The following SYNE1 variants were observed in gnomAD, a reference collection of about 807,000 sequenced individuals.
SYNE1 encodes the protein spectrin repeat containing nuclear envelope protein 1.
In SYNE1, 616 loss-of-function variants were observed where a neutral mutation model predicts 1,111.0. The observed-to-expected ratio is 0.55, with a 90% CI of 0.52 to 0.59. The LOEUF is 0.59. SYNE1 is among the 20% of genes least tolerant of loss of function. SYNE1 has a pLI of 0.00. For missense variants in SYNE1, 10,006 were observed against 10,417.0 expected (o/e 0.96, Z 1.72); for synonymous variants, 3,855 against 3,825.8 (o/e 1.01, Z -0.28).
chr6:152,176,774 G>A (rs1364442851), intron 129 of SYNE1, among the ~76,000 whole-genome samples: 1 of 151,652 alleles, frequency 6.6e-6, no homozygotes, highest in Non-Finnish European at 1.5e-5. Context: ...TTTATATAGA[G>A]GTTCTCGAAA....
Position 152,399,670 on chromosome 6 carries a change from A to T in SYNE1, c.7183T>A (p.Leu2395Met). ...AGGCTGGCCTGGGTTTTGGAGCACA[A>T]CTGGCTCACGGCTTCATGTTTCTTT... ...LIKKHEAVSQ[L>M]CSKTQASLQE... The change falls in exon 48 of 146, where the codon TTG becomes ATG. Residue 2395 changes from leucine to methionine, a missense_variant. By Grantham distance (15) the Leu-to-Met change is conservative (BLOSUM62 2). Around this residue, in one of 7 missense-constraint regions of SYNE1, gnomAD observed 4,955 missense variants for 5,017.2 expected, o/e 0.99. Transcript: ENST00000367255. The T allele has an allele frequency of 1.9e-6, 3 of 1,614,142 alleles. No homozygotes were observed. The highest frequency in any genetic ancestry group is 1.7e-6 in the Non-Finnish European group (2 of 1,180,012).
At chr6:152,162,293 C>T (rs962610155) in intron 131 of SYNE1, among the ~76,000 whole-genome samples, 10 of 152,316 alleles carry the variant, frequency 6.6e-5, no homozygotes, top group Middle Eastern at 3.4e-3. Context: ...ACTGATCTAT[C>T]CACTTTCTAT....
At chr6:152,443,312 T>A (rs1169570149) in intron 30 of SYNE1, among the ~76,000 whole-genome samples, 3 of 152,198 alleles carry the variant, frequency 2.0e-5, no homozygotes, top group Non-Finnish European at 4.4e-5. Context: ...TCGCCCAGGC[T>A]GGAGTGCAGT....
chr6:152,579,049 T>C (rs1279501761), intron 3 of SYNE1, among the ~76,000 whole-genome samples: 2 of 152,180 alleles, frequency 1.3e-5, no homozygotes, highest in Non-Finnish European at 2.9e-5. Context: ...ATAGGCTCCA[T>C]TGGTTTAAAT....
chr6:152,216,072 T>C (rs2078567513), intron 121 of SYNE1, among the ~76,000 whole-genome samples: 1 of 152,212 alleles, frequency 6.6e-6, no homozygotes, highest in Admixed American at 6.5e-5. Flanking sequence ...TCTAGGAAAT[T>C]GGTTACAGGA....
chr6:152,612,374 T>C (rs1031728954), intron 3 of SYNE1, among the ~76,000 whole-genome samples: 1 of 152,064 alleles, frequency 6.6e-6, no homozygotes, highest in East Asian at 1.9e-4. Context: ...AACACCTCTA[T>C]GCAAATAAAC....
At chr6:152,447,776 A>G (rs2098605152) in intron 28 of SYNE1, among the ~76,000 whole-genome samples, 154 bp from the exon 29 acceptor site, 1 of 152,226 alleles carries the variant, frequency 6.6e-6, no homozygotes, top group African/African-American at 2.4e-5. Context: ...TACTTTTTGT[A>G]TGTACTTTTA....
At chr6:152,525,664 C>T (rs994199620) in intron 5 of SYNE1, among the ~76,000 whole-genome samples, 1 of 152,104 alleles carries the variant, frequency 6.6e-6, no homozygotes, top group Non-Finnish European at 1.5e-5. Context: ...TGGTTTCCTG[C>T]TTAATTTTCA....
intron 70 of SYNE1, among the ~76,000 whole-genome samples, chr6:152,350,979 C>A (rs1373228225): frequency 6.6e-6 from 1 of 152,142 alleles, no homozygotes; most frequent in African/African-American, 2.4e-5. Flanking sequence ...CATCAAATGG[C>A]CCTTCCTATG....
chr6:152,273,492 A>G (rs374261330), intron 98 of SYNE1, among the ~76,000 whole-genome samples: 10 of 152,212 alleles, frequency 6.6e-5, no homozygotes, highest in African/African-American at 2.4e-4. Context: ...ACAGATGAGA[A>G]AACTGATCCG....
At chr6:152,581,043 C>T (rs185088746) in intron 3 of SYNE1, among the ~76,000 whole-genome samples, 48 of 152,300 alleles carry the variant, frequency 3.2e-4, no homozygotes, top group Admixed American at 2.0e-3. Context: ...TTAGTCTCTA[C>T]TTTGTAAACT....
chr6:152,517,607 G>A (rs551720831), intron 6 of SYNE1, among the ~76,000 whole-genome samples: 29 of 152,278 alleles, frequency 1.9e-4, no homozygotes, highest in African/African-American at 6.5e-4. Context: ...GAGAGTGGTT[G>A]AATAAACTAT....
At chr6:152,142,058 G>A (rs1383557542) in intron 138 of SYNE1, among the ~76,000 whole-genome samples, 1 of 151,986 alleles carries the variant, frequency 6.6e-6, no homozygotes, top group African/African-American at 2.4e-5. Context: ...GGGTGACAGA[G>A]TGTGAGACCC....
In SYNE1 at chr6:152,465,443, C is replaced by T. The variant is rs2098758440; in HGVS notation, c.1747G>A (p.Val583Met). ...GTGGTTTCATTCATGAATTTCATCA[C>T]ATTCTCAGCTTCTTCCACTGAAACA... ...ADGSVEEAENVMKFMNETTAQ... is the reference protein window; with the variant it reads ...ADGSVEEAENMMKFMNETTAQ... The change falls in exon 18 of 146, where the codon GTG becomes ATG. Residue 583 changes from valine (V) to methionine (M), a missense_variant. By Grantham distance (21) the Val-to-Met change is conservative (BLOSUM62 1). Around this residue, in one of 7 missense-constraint regions of SYNE1, gnomAD observed 1,971 missense variants for 2,084.1 expected, o/e 0.95. Transcript: ENST00000367255. The T allele has an allele frequency of 3.7e-6, 6 of 1,613,244 alleles. No individual in the cohort carries two copies. Among genetic ancestry groups the T allele is most frequent in the Non-Finnish European group, 4.2e-6 (5 of 1,179,686 alleles).
Position 152,246,424 on chromosome 6 carries a change from A to T in SYNE1, c.19573-1768T>A, listed in dbSNP as rs576140734. Among the ~76,000 whole-genome samples the T allele has an allele frequency of 3.9e-5, 6 of 152,290 alleles. No individual in the cohort carries two copies. In the East Asian group the frequency reaches 9.6e-4, roughly 24 times the overall value. The stretch of plus-strand genomic sequence containing the variant: ...AAAAATAAAAAATACTACAAAAAGG[A>T]TCATTCGGAGAACCAAAGTGAGCTC... On this transcript the variant is annotated intron_variant, in intron 105 of 145. Coordinates refer to ENST00000367255, the MANE Select transcript of SYNE1 (RefSeq NM_182961.4).
At chr6:152,313,888 T>A (rs1240383021) in intron 87 of SYNE1, among the ~76,000 whole-genome samples, 1 of 152,130 alleles carries the variant, frequency 6.6e-6, no homozygotes, top group Non-Finnish European at 1.5e-5. Context: ...TTTTTCACTG[T>A]GCCCCATGAT....
chr6:152,167,399 T>C (rs913790645), intron 130 of SYNE1, among the ~76,000 whole-genome samples: 1 of 152,166 alleles, frequency 6.6e-6, no homozygotes, highest in African/African-American at 2.4e-5. Flanking sequence ...AAATTACCAT[T>C]GGGTAAATCC....
chr6:152,350,985 C>T (rs1178098551), intron 70 of SYNE1, among the ~76,000 whole-genome samples: 1 of 152,084 alleles, frequency 6.6e-6, no homozygotes, highest in Non-Finnish European at 1.5e-5. Context: ...ATGGCCCTTC[C>T]TATGTGGAGA....
chr6:152,276,051 T>A (rs1281101838), intron 98 of SYNE1, among the ~76,000 whole-genome samples: 2 of 148,118 alleles, frequency 1.4e-5, no homozygotes, highest in Non-Finnish European at 1.5e-5. Context: ...TTTTTTTTTT[T>A]TGAGACAGGA....
Sources: gnomAD v4.1 joint callset for allele counts (sites outside exome capture counted in the v4.1 genomes callset) on GRCh38, gnomAD v4.1.1 for gene constraint, gnomAD v4.1.1 regional missense constraint, MANE v1.5 for transcripts, NCBI Gene and HGNC (gene_info 2026-07-23, HGNC 2026-07-21) for gene names.